The following TTC21B variants were observed in gnomAD, a reference collection of about 807,000 sequenced individuals.
TTC21B encodes tetratricopeptide repeat domain 21B, also known as tetratricopeptide repeat protein 21B.
In TTC21B, 127 loss-of-function variants were observed where a neutral mutation model predicts 175.1. That is an observed-to-expected ratio of 0.73 (90% CI 0.63 to 0.84). TTC21B has a LOEUF of 0.84. Ranked by LOEUF, TTC21B falls within the 40% of genes least tolerant of loss-of-function variation. The pLI, the probability that TTC21B is intolerant of heterozygous loss-of-function variation, is 0.00. For missense variants in TTC21B, 1,561 were observed against 1,558.3 expected, an observed-to-expected ratio of 1.00 and a Z score of -0.03; for synonymous variants, 524 against 524.5, an observed-to-expected ratio of 1.00 and a Z score of 0.01.
At chr2:165,906,933 C>A (rs1243819867) in intron 19 of TTC21B, among the ~76,000 whole-genome samples, 4 of 90,080 alleles carry the variant, frequency 4.4e-5, no homozygotes, top group African/African-American at 9.4e-5. Context: ...CCAGCCTGGG[C>A]AACAAGAGCA....
intron 28 of TTC21B, among the ~76,000 whole-genome samples, chr2:165,875,328 A>T (rs982438999): frequency 3.2e-4 from 48 of 151,900 alleles, no homozygotes; most frequent in African/African-American, 1.1e-3. Flanking sequence ...TTAACACACA[A>T]CCCTAACCTG....
At chr2:165,887,875 T>C (rs964208854) in intron 25 of TTC21B, among the ~76,000 whole-genome samples, 2 of 152,204 alleles carry the variant, frequency 1.3e-5, no homozygotes, top group Admixed American at 6.5e-5. Flanking sequence ...TGTAGCTATA[T>C]AGCTGGAAAA....
chr2:165,945,119 T>C (rs1386935642), intron 4 of TTC21B, among the ~76,000 whole-genome samples: 5 of 152,206 alleles, frequency 3.3e-5, no homozygotes, highest in Non-Finnish European at 7.4e-5. Context: ...GGGTTATTCA[T>C]TCATGAAAGC....
chr2:165,949,300 T>C (rs1295714389), intron 3 of TTC21B, 94 bp downstream of exon 3: 7 of 903,824 alleles, frequency 7.7e-6, no homozygotes, highest in African/African-American at 1.6e-5. Context: ...ATACATAATA[T>C]AGTGTGATCA....
chr2:165,888,816 A>G (rs1685092821), intron 24 of TTC21B, among the ~76,000 whole-genome samples: 1 of 152,236 alleles, frequency 6.6e-6, no homozygotes, highest in South Asian at 2.1e-4. Context: ...AAATTAACAT[A>G]TATCTATTCA....
At chr2:165,906,230 A>C (rs928002195) in intron 19 of TTC21B, among the ~76,000 whole-genome samples, 1 of 142,130 alleles carries the variant, frequency 7.0e-6, no homozygotes, top group Non-Finnish European at 1.5e-5. Context: ...GAAATCCATT[A>C]CCTAACATAC....
intron 22 of TTC21B, among the ~76,000 whole-genome samples, chr2:165,891,724 T>C (rs1473093725): frequency 6.6e-6 from 1 of 152,026 alleles, no homozygotes; most frequent in Non-Finnish European, 1.5e-5. Context: ...AATAATTTAA[T>C]AAATCTTTTT....
chr2:165,892,445 A>G (rs1360217019), intron 22 of TTC21B, among the ~76,000 whole-genome samples: 1 of 152,228 alleles, frequency 6.6e-6, no homozygotes, highest in East Asian at 1.9e-4. Flanking sequence ...ATACACAGAA[A>G]AAGTGGAAAG....
At chr2:165,890,787 T>C (rs371576177) in intron 23 of TTC21B, 51 bp downstream of exon 23, 4 of 1,588,440 alleles carry the variant, frequency 2.5e-6, no homozygotes, top group Non-Finnish European at 3.4e-6. Flanking sequence ...TTCTACTTGA[T>C]TTACAATGAG....
chr2:165,931,609 T>G (rs1451183202), intron 8 of TTC21B, 149 bp downstream of exon 8: 1 of 710,472 alleles, frequency 1.4e-6, no homozygotes, highest in African/African-American at 1.8e-5. Context: ...CCACACCTCC[T>G]CTAAACTGCC....
Position 165,888,314 on chromosome 2 carries a change from C to G in TTC21B, c.3424G>C (p.Ala1142Pro). The G allele has an allele frequency of 2.5e-6, 4 of 1,613,816 alleles. No homozygotes were observed. Among genetic ancestry groups the G allele is most frequent in the Non-Finnish European group, 2.5e-6 (3 of 1,179,814 alleles). The change falls in exon 25 of 29, where the codon GCA becomes CCA. Residue 1142 changes from alanine to proline, a missense_variant. Transcript: ENST00000243344. ...GCTATTTCAGTGAAGGTATTTAATG[C>G]TTGTTCAACATTAGATTTCTGTTTG... ...ATKQKSNVEQALNTFTEIAAS... is the reference protein window; with the variant it reads ...ATKQKSNVEQPLNTFTEIAAS...
At chr2:165,941,945 A>C (rs1687383726) in intron 5 of TTC21B, among the ~76,000 whole-genome samples, 1 of 152,180 alleles carries the variant, frequency 6.6e-6, no homozygotes, top group Admixed American at 6.5e-5. Context: ...TTTCTGAAAA[A>C]AAGTTTTACT....
rs748141161 is a variant in TTC21B, at chr2:165,915,375, C to T, written c.1964G>A (p.Arg655Gln). 1.1e-5 allele frequency: 17 copies of T among 1,613,908 alleles called. No homozygotes were observed. The African/African-American group carries it at 1.1e-4, about 10-fold the overall frequency. The change falls in exon 15 of 29, where the codon CGG becomes CAG. Residue 655 changes from arginine (R) to glutamine (Q), a missense_variant. Transcript: ENST00000243344. ...HEFSGTSEEV[R>Q]VTIANADLAL... is the part of the protein sequence containing the mutation. ...AAGGTCTGCATTAGCAATGGTAACC[C>T]GCACTTCTTCAGATGTTCCAGAAAA... is the stretch of plus-strand genomic sequence containing the variant.
At position 165,899,651 on chromosome 2, in the gene TTC21B, T is replaced by G. The variant is rs115067960; in HGVS notation, c.2868+119A>C. ...AAATGTAGTAATGTTAGAAAAATGT[T>G]ATTTCTTCCAAAAGCCAACGTGAGC... On this transcript the variant is annotated intron_variant, in intron 21 of 28. Transcript: ENST00000243344. 2.9e-3 allele frequency: 2,117 copies of G among 718,272 alleles called. 37 individuals carry two copies. The African/African-American group carries it at 0.034, about 12-fold the overall frequency. 44.5% of individuals were successfully genotyped at this position (718,272 alleles called of 1,614,324 possible).
In TTC21B at chr2:165,945,562, T is replaced by C; in HGVS notation, c.391A>G (p.Ile131Val). Residue 131 changes from isoleucine to valine, a missense_variant, in exon 4 of 29, where the codon ATT (isoleucine) becomes GTT (valine). By Grantham distance (29) the Ile-to-Val change is conservative. Coordinates refer to ENST00000243344, the MANE Select transcript of TTC21B (RefSeq NM_024753.5). ...IGRHDKAREY[I>V]DRMIKISDGS... is the part of the protein sequence containing the mutation. The stretch of plus-strand genomic sequence containing the variant: ...TCTGATATTTTGATCATTCTGTCAA[T>C]ATATTCCCTTGCTTTATCATGGCGA... 1.9e-6 allele frequency: 3 copies of C among 1,613,726 alleles called. No individual in the cohort carries two copies. Among genetic ancestry groups the C allele is most frequent in the Non-Finnish European group, 2.5e-6 (3 of 1,179,902 alleles).
Position 165,924,648 on chromosome 2 carries a change from G to A in TTC21B, c.1417C>T (p.Leu473Phe), listed in dbSNP as rs2163649. 0.013 allele frequency: 21,518 copies of A among 1,613,684 alleles called. 699 individuals carry two copies. Among genetic ancestry groups the A allele is most frequent in the Admixed American group, 0.12 (7,336 of 59,994 alleles). ...PASPGQPLCP[L>F]LRRCISVLET... is the part of the protein sequence containing the mutation. ...AGGACTGAGATGCAACGCCTGAGAA[G>A]TGGACAAAGAGGTTGCCCAGGACTT... The change falls in exon 12 of 29, where the codon CTT (leucine) becomes TTT (phenylalanine). Residue 473 changes from leucine (L) to phenylalanine (F), a missense_variant. Leu to Phe is a conservative substitution (Grantham distance 22). Coordinates refer to ENST00000243344, the MANE Select transcript of TTC21B (RefSeq NM_024753.5).
chr2:165,907,856 T>A (rs951098299), intron 18 of TTC21B, 72 bp from the exon 19 acceptor site: 5 of 1,076,226 alleles, frequency 4.6e-6, no homozygotes, highest in Non-Finnish European at 5.5e-6. Flanking sequence ...CCAGAATTTT[T>A]AAAACTGGTC....
At chr2:165,891,014 T>C (rs1353652225) in intron 22 of TTC21B, 26 bp from the exon 23 acceptor site, 4 of 1,580,240 alleles carry the variant, frequency 2.5e-6, no homozygotes, top group Admixed American at 3.3e-5. Flanking sequence ...ACTTCAGATA[T>C]GGGCACCATT....
chr2:165,885,756 T>G (rs1249603956), intron 25 of TTC21B, among the ~76,000 whole-genome samples: 2 of 152,230 alleles, frequency 1.3e-5, no homozygotes, highest in South Asian at 2.1e-4. Context: ...TACTCCTGAG[T>G]GAACTGAAGA....
Sources: gnomAD v4.1 joint callset for allele counts (sites outside exome capture counted in the v4.1 genomes callset) on GRCh38, gnomAD v4.1.1 for gene constraint, MANE v1.5 for transcripts, NCBI Gene and HGNC (gene_info 2026-07-23, HGNC 2026-07-21) for gene names.